The following FSTL5 variants were observed in gnomAD, a reference collection of about 807,000 sequenced individuals.
FSTL5 encodes follistatin-related protein 5.
In FSTL5, 62 loss-of-function variants were observed where a neutral mutation model predicts 89.1. The observed-to-expected ratio is 0.70, with a 90% CI of 0.57 to 0.86. The LOEUF (loss-of-function observed/expected upper bound fraction) is 0.86. FSTL5 is among the 40% of genes least tolerant of loss of function. The probability of loss-of-function intolerance (pLI) is 0.00; values close to 1 mark genes in which losing one functional copy is unlikely to be tolerated. For missense variants in FSTL5, 1,057 were observed against 1,001.6 expected, an observed-to-expected ratio of 1.06 and a Z score of -0.75; for synonymous variants, 383 against 346.2, an observed-to-expected ratio of 1.11 and a Z score of -1.18.
At chr4:161,624,553 A>G (rs1247146713) in intron 7 of FSTL5, among the ~76,000 whole-genome samples, 1 of 151,298 alleles carries the variant, frequency 6.6e-6, no homozygotes, top group Non-Finnish European at 1.5e-5. Context: ...TTATAGGTGT[A>G]CATTTTTTAA....
chr4:161,635,866 C>T (rs1050580624), intron 7 of FSTL5, among the ~76,000 whole-genome samples: 9 of 152,130 alleles, frequency 5.9e-5, no homozygotes, highest in Non-Finnish European at 1.2e-4. Flanking sequence ...AATTCATTTT[C>T]AGGAGTAAAA....
chr4:161,434,564 A>G (rs1732489616), intron 15 of FSTL5, among the ~76,000 whole-genome samples: 1 of 152,096 alleles, frequency 6.6e-6, no homozygotes, highest in South Asian at 2.1e-4. Context: ...GGAAAAATGA[A>G]CAAATGGGAT....
intron 15 of FSTL5, among the ~76,000 whole-genome samples, chr4:161,452,312 C>A (rs1293593174): frequency 6.6e-6 from 1 of 152,032 alleles, no homozygotes; most frequent in Non-Finnish European, 1.5e-5. Flanking sequence ...TCCGTCTCTA[C>A]TAAAAATACA....
chr4:161,591,228 G>A (rs779029789), intron 7 of FSTL5, among the ~76,000 whole-genome samples: 1 of 152,032 alleles, frequency 6.6e-6, no homozygotes, highest in Non-Finnish European at 1.5e-5. Context: ...CAAATTTTAC[G>A]AGTCTAATTA....
chr4:161,637,201 C>G (rs1735748883), intron 7 of FSTL5, among the ~76,000 whole-genome samples: 1 of 61,868 alleles, frequency 1.6e-5, no homozygotes, highest in Non-Finnish European at 3.1e-5. Flanking sequence ...ATTTGCATTT[C>G]TCTGATGGCC....
At chr4:161,587,362 G>T in intron 8 of FSTL5, 93 bp downstream of exon 8, 1 of 1,122,930 alleles carries the variant, frequency 8.9e-7, no homozygotes, top group Non-Finnish European at 1.3e-6. Flanking sequence ...AATATTATTA[G>T]TACCTTGTAA....
intron 4 of FSTL5, among the ~76,000 whole-genome samples, chr4:161,868,025 T>C (rs1456239751): frequency 2.0e-5 from 3 of 152,116 alleles, no homozygotes; most frequent in Non-Finnish European, 4.4e-5. Context: ...ATCTACAGTA[T>C]GCTCTCAACC....
At chr4:161,904,940 A>G (rs879574975) in intron 4 of FSTL5, among the ~76,000 whole-genome samples, 1 of 151,878 alleles carries the variant, frequency 6.6e-6, no homozygotes, top group Non-Finnish European at 1.5e-5. Context: ...ATATTTTTAA[A>G]TGTATATTTA....
chr4:161,717,514 CAT>C, intron 6 of FSTL5, among the ~76,000 whole-genome samples: 1 of 152,240 alleles, frequency 6.6e-6, no homozygotes. Context: ...ACATTTTTGT[CAT>C]CCTCACATCC....
chr4:161,674,773 G>C (rs113304497), intron 6 of FSTL5, among the ~76,000 whole-genome samples: 126 of 152,274 alleles, frequency 8.3e-4, no homozygotes, highest in African/African-American at 2.8e-3. Context: ...TCAGTGTGCA[G>C]TAGGCACAAA....
At chr4:162,103,373 T>C (rs1731078705) in intron 2 of FSTL5, among the ~76,000 whole-genome samples, 1 of 152,220 alleles carries the variant, frequency 6.6e-6, no homozygotes, top group African/African-American at 2.4e-5. Context: ...AGATTAACTC[T>C]GTGCACACAG....
chr4:161,949,365 T>C (rs935835562), intron 3 of FSTL5, among the ~76,000 whole-genome samples: 8 of 152,148 alleles, frequency 5.3e-5, no homozygotes, highest in East Asian at 1.9e-4. Flanking sequence ...GGGGAGCTAC[T>C]ATTAAGTCTA....
intron 15 of FSTL5, among the ~76,000 whole-genome samples, chr4:161,405,087 G>A (rs1731322873): frequency 6.6e-6 from 1 of 151,974 alleles, no homozygotes; most frequent in Non-Finnish European, 1.5e-5. Context: ...AAAAGAATTA[G>A]CTAGGTATGG....
chr4:161,960,242 C>A (rs1404888942), intron 3 of FSTL5, among the ~76,000 whole-genome samples: 1 of 148,262 alleles, frequency 6.7e-6, no homozygotes. Flanking sequence ...TCTCGACTCA[C>A]TGCAACCTCC....
chr4:162,092,321 C>A (rs116489243), intron 2 of FSTL5, among the ~76,000 whole-genome samples: 2 of 152,116 alleles, frequency 1.3e-5, no homozygotes, highest in Non-Finnish European at 2.9e-5. Flanking sequence ...AATTCCTTCA[C>A]GAAATATTCT....
intron 6 of FSTL5, among the ~76,000 whole-genome samples, chr4:161,662,012 A>G (rs1456390029): frequency 2.0e-5 from 3 of 151,930 alleles, no homozygotes; most frequent in Non-Finnish European, 4.4e-5. Context: ...TCTGTTGAGG[A>G]TTTTTTTTCA....
chr4:162,081,481 T>C (rs569043694), intron 2 of FSTL5, among the ~76,000 whole-genome samples: 69 of 151,638 alleles, frequency 4.6e-4, no homozygotes, highest in African/African-American at 1.6e-3. Context: ...AAACAATATA[T>C]ATATAAAATA....
At chr4:162,065,000 G>A (rs1295739142) in intron 2 of FSTL5, among the ~76,000 whole-genome samples, 1 of 151,862 alleles carries the variant, frequency 6.6e-6, no homozygotes, top group East Asian at 1.9e-4. Flanking sequence ...ATACACGATT[G>A]GGAAAGGAAT....
At chr4:161,645,653 C>T (rs990473690) in intron 7 of FSTL5, among the ~76,000 whole-genome samples, 11 of 152,086 alleles carry the variant, frequency 7.2e-5, no homozygotes, top group Admixed American at 7.2e-4. Context: ...ACCTACACGA[C>T]CTGCGTTAGT....
Sources: gnomAD v4.1 joint callset for allele counts (sites outside exome capture counted in the v4.1 genomes callset) on GRCh38, gnomAD v4.1.1 for gene constraint, MANE v1.5 for transcripts, NCBI Gene and HGNC (gene_info 2026-07-23, HGNC 2026-07-21) for gene names.